PKIG: variants seen among roughly 807,000 people sequenced by gnomAD.
PKIG encodes the protein cAMP-dependent protein kinase inhibitor gamma.
PKIG carries 1 observed loss-of-function variant against 6.8 expected under a neutral mutation model. The ratio of observed to expected loss-of-function variants is 0.15; its 90% CI spans 0.05 to 0.69. PKIG has a LOEUF of 0.69. PKIG is among the 30% of genes least tolerant of loss of function. The pLI is 0.82. For synonymous variants in PKIG, 39 were observed against 43.0 expected, an observed-to-expected ratio of 0.91 and a Z score of 0.36; for missense variants, 77 against 104.0, an observed-to-expected ratio of 0.74 and a Z score of 1.13.
At chr20:44,581,877 C>T (rs2064951356), upstream of PKIG, among the ~76,000 whole-genome samples, 2 of 152,104 alleles carry the variant, frequency 1.3e-5, no homozygotes, top group South Asian at 4.1e-4. Flanking sequence ...TATAAGTTCC[C>T]CAGTCACTGA....
intron 1 of PKIG, among the ~76,000 whole-genome samples, chr20:44,532,620 G>A (rs1222877766): frequency 1.3e-5 from 2 of 152,184 alleles, no homozygotes; most frequent in South Asian, 2.1e-4. Context: ...CAGTGATTCC[G>A]GTTATGATTT....
chr20:44,580,817 AC>A (rs2064941446), upstream of PKIG, among the ~76,000 whole-genome samples: 1 of 152,164 alleles, frequency 6.6e-6, no homozygotes. Flanking sequence ...ACCACAAATT[AC>A]CACAGCCTCT....
intron 3 of PKIG, among the ~76,000 whole-genome samples, chr20:44,615,492 C>G (rs2123483090): frequency 6.6e-6 from 1 of 152,348 alleles, no homozygotes; most frequent in Non-Finnish European, 1.5e-5. Context: ...TCCACCCACC[C>G]AAGTCCTGGC....
intron 1 of PKIG, among the ~76,000 whole-genome samples, chr20:44,554,111 G>A (rs762219643): frequency 2.6e-5 from 4 of 151,056 alleles, no homozygotes; most frequent in Non-Finnish European, 2.9e-5. Flanking sequence ...TTGCTCTGTC[G>A]CCCAGGCTGG....
chr20:44,576,561 G>T (rs2064899966), intron 1 of PKIG, among the ~76,000 whole-genome samples: 1 of 152,186 alleles, frequency 6.6e-6, no homozygotes, highest in African/African-American at 2.4e-5. Flanking sequence ...GACCAATAGA[G>T]AGTAGCAAGT....
intron 2 of PKIG, among the ~76,000 whole-genome samples, chr20:44,593,160 GAA>G (rs3091908): frequency 0.038 from 5,461 of 143,978 alleles, 127 homozygotes; most frequent in African/African-American, 0.06. Flanking sequence ...TTCTATAAAA[GAA>G]AAAAAAAAAA....
At chr20:44,603,465 C>T (rs2065138934) in intron 2 of PKIG, among the ~76,000 whole-genome samples, 2 of 152,100 alleles carry the variant, frequency 1.3e-5, no homozygotes, top group African/African-American at 4.8e-5. Context: ...AACAACAAAG[C>T]TGGGCTGGAC....
At chr20:44,537,589 T>A (rs1718035794) in intron 1 of PKIG, among the ~76,000 whole-genome samples, 1 of 151,810 alleles carries the variant, frequency 6.6e-6, no homozygotes, top group South Asian at 2.1e-4. Flanking sequence ...TACTTTTTTT[T>A]TTTTTTGAGA....
intron 2 of PKIG, among the ~76,000 whole-genome samples, chr20:44,591,090 C>A (rs775757532): frequency 4.6e-5 from 7 of 152,160 alleles, no homozygotes; most frequent in Non-Finnish European, 8.8e-5. Context: ...AGACTAGTAG[C>A]AGTAGTCTGC....
upstream of PKIG, among the ~76,000 whole-genome samples, chr20:44,581,994 A>G (rs1340746426): frequency 6.6e-6 from 1 of 152,194 alleles, no homozygotes; most frequent in Non-Finnish European, 1.5e-5. Context: ...TCATTCATTC[A>G]GTTGAAGGCC....
intron 1 of PKIG, among the ~76,000 whole-genome samples, chr20:44,566,577 G>A (rs1485065430): frequency 2.0e-5 from 3 of 152,146 alleles, no homozygotes; most frequent in African/African-American, 7.2e-5. Flanking sequence ...TGGGCATGGT[G>A]GCTCATGCCT....
intron 2 of PKIG, among the ~76,000 whole-genome samples, chr20:44,599,959 G>T (rs1423991715): frequency 6.6e-6 from 1 of 152,134 alleles, no homozygotes; most frequent in Non-Finnish European, 1.5e-5. Context: ...TTCCTGACAT[G>T]CAATAGTTGG....
At chr20:44,563,712 G>A (rs2064787131) in intron 1 of PKIG, among the ~76,000 whole-genome samples, 1 of 151,842 alleles carries the variant, frequency 6.6e-6, no homozygotes, top group African/African-American at 2.4e-5. Flanking sequence ...GTATTTTTTT[G>A]TAGAGATGAG....
chr20:44,551,803 G>T (rs1190213911), intron 1 of PKIG, among the ~76,000 whole-genome samples: 1 of 152,194 alleles, frequency 6.6e-6, no homozygotes, highest in Non-Finnish European at 1.5e-5. Context: ...GGTAATAAAG[G>T]TGGTAGAACT....
chr20:44,581,214 TTA>T (rs2064945357), upstream of PKIG, among the ~76,000 whole-genome samples: 1 of 152,210 alleles, frequency 6.6e-6, no homozygotes, highest in Non-Finnish European at 1.5e-5. Flanking sequence ...GAAGGAGAGA[TTA>T]ATAATGTAGC....
intron 2 of PKIG, among the ~76,000 whole-genome samples, chr20:44,597,778 C>T (rs1231492022): frequency 6.6e-6 from 1 of 152,224 alleles, no homozygotes; most frequent in Non-Finnish European, 1.5e-5. Context: ...CAGAGAGTGG[C>T]AGTCTCCATC....
chr20:44,532,702 G>T (rs866460109), intron 1 of PKIG, among the ~76,000 whole-genome samples: 2 of 152,196 alleles, frequency 1.3e-5, no homozygotes, highest in Non-Finnish European at 2.9e-5. Context: ...AGGTTAGTGT[G>T]GATGATCAGG....
At position 44,559,434 on chromosome 20, in the gene PKIG, G is replaced by A. The variant is rs549470869; in HGVS notation, c.-240-23151G>A. On this transcript the variant is annotated intron_variant, in intron 1 of 4. Transcript: ENST00000372887. ...GAGTAACAGAAGCAGGGAATGTACAGAAGGGGTGTCAGACAAGGCTTCCAA... is the reference window on the plus strand; with the variant it reads ...GAGTAACAGAAGCAGGGAATGTACAAAAGGGGTGTCAGACAAGGCTTCCAA... Among the ~76,000 whole-genome samples, 4 of 152,346 alleles carry A rather than the reference G, an allele frequency of 2.6e-5. No individual in the cohort carries two copies. In the East Asian group the frequency reaches 7.7e-4, roughly 29 times the overall value.
intron 2 of PKIG, among the ~76,000 whole-genome samples, chr20:44,602,867 C>G (rs1249633085): frequency 1.3e-5 from 2 of 150,710 alleles, no homozygotes; most frequent in Admixed American, 1.3e-4. Context: ...GACTGGAAGA[C>G]TTGGAGATCA....
Sources: allele counts gnomAD v4.1 joint callset (sites outside exome capture counted in the v4.1 genomes callset), GRCh38; gene constraint gnomAD v4.1.1; transcripts MANE v1.5; gene names NCBI Gene and HGNC (gene_info 2026-07-23, HGNC 2026-07-21).